Variants in CNTN6 observed in about 807,000 individuals in gnomAD.
CNTN6 encodes contactin 6.
In CNTN6, 137 loss-of-function variants were observed where a neutral mutation model predicts 122.8. The ratio of observed to expected loss-of-function variants is 1.12; its 90% CI spans 0.97 to 1.29. CNTN6 has a LOEUF of 1.29. Ranked by LOEUF, CNTN6 falls within the 50% of genes most tolerant of loss-of-function variation. The probability of loss-of-function intolerance (pLI) is 0.00; values close to 1 mark genes in which losing one functional copy is unlikely to be tolerated. For missense variants in CNTN6, 1,634 were observed against 1,223.4 expected, an observed-to-expected ratio of 1.34 and a Z score of -5.01; for synonymous variants, 570 against 426.0, an observed-to-expected ratio of 1.34 and a Z score of -4.16.
At chr3:1,383,251 A>C (rs751758199) in intron 18 of CNTN6, 42 bp from the exon 19 acceptor site, 1 of 1,600,660 alleles carries the variant, frequency 6.2e-7, no homozygotes, top group South Asian at 1.1e-5. Flanking sequence ...TTTTCAATGA[A>C]CCACTCTGCT....
At chr3:1,369,119 A>G (rs555721431) in intron 12 of CNTN6, among the ~76,000 whole-genome samples, 1 of 152,190 alleles carries the variant, frequency 6.6e-6, no homozygotes, top group Non-Finnish European at 1.5e-5. Flanking sequence ...TTGCCTGCGC[A>G]GGAAATCTAG....
At chr3:1,283,547 C>G (rs1693828244) in intron 5 of CNTN6, among the ~76,000 whole-genome samples, 1 of 152,130 alleles carries the variant, frequency 6.6e-6, no homozygotes, top group Admixed American at 6.5e-5. Flanking sequence ...CTTCCATGGA[C>G]CCAGTGAGTT....
intron 20 of CNTN6, among the ~76,000 whole-genome samples, chr3:1,393,714 G>C (rs1694583762): frequency 6.6e-6 from 1 of 150,486 alleles, no homozygotes; most frequent in Non-Finnish European, 1.5e-5. Flanking sequence ...ATTGAGCCAA[G>C]ACTCAGGTCA....
intron 4 of CNTN6, among the ~76,000 whole-genome samples, chr3:1,246,177 C>G (rs568209259): frequency 6.6e-6 from 1 of 152,078 alleles, no homozygotes; most frequent in Non-Finnish European, 1.5e-5. Context: ...CCAGAAGGTC[C>G]GCCCATTATA....
chr3:1,235,877 G>T lies in CNTN6; in HGVS notation c.358+7884G>T, dbSNP rs571332641. Among the ~76,000 whole-genome samples the T allele has an allele frequency of 3.9e-5, 6 of 152,266 alleles. No individual in the cohort carries two copies. In the South Asian group the frequency reaches 1.2e-3, roughly 32 times the overall value. On this transcript the variant is annotated intron_variant, in intron 4 of 22. Coordinates refer to ENST00000446702, the MANE Select transcript of CNTN6 (RefSeq NM_001289080.2). The stretch of plus-strand genomic sequence containing the variant: ...GTGCTGCTGGGGGCGGGTGGGGCAT[G>T]GTGGGAGTGAGACTGGCCTTTAGGA...
intron 7 of CNTN6, among the ~76,000 whole-genome samples, chr3:1,303,365 A>G (rs1483872831): frequency 6.6e-6 from 1 of 152,138 alleles, no homozygotes; most frequent in Non-Finnish European, 1.5e-5. Context: ...ATTATATCAG[A>G]TTAAAGGAAC....
intron 1 of CNTN6, among the ~76,000 whole-genome samples, chr3:1,142,230 A>G (rs1032668): frequency 0.45 from 68,420 of 150,414 alleles, 16,039 homozygotes; most frequent in South Asian, 0.61. Context: ...AAAAAAAAAC[A>G]TGATTATTCT....
chr3:1,329,962 ATT>A, intron 11 of CNTN6, 27 bp downstream of exon 11: 1 of 1,491,358 alleles, frequency 6.7e-7, no homozygotes, highest in South Asian at 1.4e-5. Context: ...TTTTAAAAAT[ATT>A]TTTGTTTGTA....
intron 4 of CNTN6, among the ~76,000 whole-genome samples, chr3:1,250,401 C>G (rs1397936834): frequency 1.3e-5 from 2 of 152,184 alleles, no homozygotes; most frequent in South Asian, 2.1e-4. Context: ...ATGTCAGAGT[C>G]TGTGATGCAC....
intron 12 of CNTN6, among the ~76,000 whole-genome samples, chr3:1,360,579 T>A (rs1707309364): frequency 1.3e-5 from 2 of 152,008 alleles, no homozygotes; most frequent in African/African-American, 4.8e-5. Flanking sequence ...CTATATATTC[T>A]ATATACATGT....
intron 2 of CNTN6, among the ~76,000 whole-genome samples, chr3:1,156,623 C>A (rs2125216782): frequency 6.6e-6 from 1 of 151,318 alleles, no homozygotes; most frequent in Middle Eastern, 3.4e-3. Context: ...TCTTTTCTTT[C>A]TTTCTTTCTC....
At chr3:1,104,450 T>A (rs1020361537) in intron 1 of CNTN6, among the ~76,000 whole-genome samples, 1 of 152,248 alleles carries the variant, frequency 6.6e-6, no homozygotes, top group African/African-American at 2.4e-5. Context: ...CAGACCCAAC[T>A]CTTTCCCTGA....
chr3:1,276,025 T>C (rs1692289022), intron 4 of CNTN6, among the ~76,000 whole-genome samples: 1 of 152,184 alleles, frequency 6.6e-6, no homozygotes. Flanking sequence ...ATACCAATAA[T>C]TTGTTCCAAT....
chr3:1,128,868 C>G (rs1179813269), intron 1 of CNTN6, among the ~76,000 whole-genome samples: 2 of 151,978 alleles, frequency 1.3e-5, no homozygotes, highest in African/African-American at 2.4e-5. Context: ...TTTAATAGTT[C>G]AAGCTTTCTG....
chr3:1,230,172 T>TTATC (rs2094336391), intron 4 of CNTN6, among the ~76,000 whole-genome samples: 1 of 152,146 alleles, frequency 6.6e-6, no homozygotes, highest in Non-Finnish European at 1.5e-5. Context: ...GAAAAGGCCT[T>TTATC]TGGTAGGATA....
intron 2 of CNTN6, among the ~76,000 whole-genome samples, chr3:1,189,868 T>C (rs1463841723): frequency 2.0e-5 from 3 of 152,094 alleles, no homozygotes; most frequent in South Asian, 2.1e-4. Context: ...GGCAAACAAA[T>C]TGGGGATCAG....
rs376178908 is a variant in CNTN6 at position 1,307,867 on chromosome 3, C to T, written c.761+9876C>T. 3.9e-5 allele frequency among the ~76,000 whole-genome samples: 6 copies of T among 152,254 alleles called. 1 individual carries two copies. The highest frequency in any genetic ancestry group is 1.4e-4 in the African/African-American group (6 of 41,544). ...AATTTTCATTACATATCAAGGTTAA[C>T]TTTATCATAATGATTTATGACAGAT... is the stretch of plus-strand genomic sequence containing the variant. On this transcript the variant is annotated intron_variant, in intron 7 of 22. Transcript: ENST00000446702.
rs1301501287 is a variant in CNTN6 at position 1,385,645 on chromosome 3, T to C, written c.2552T>C (p.Met851Thr). The part of the protein sequence containing the change: ...LYWTDDSKES[M>T]IGKIRVSGNV... The stretch of plus-strand genomic sequence containing the variant: ...TGGACAGATGACTCCAAAGAATCCA[T>C]GATAGGTAAAATTAGAGTCAGTGGA... The change falls in exon 20 of 23, where the codon ATG becomes ACG. Residue 851 changes from methionine (M) to threonine (T), a missense_variant. By Grantham distance (81) the Met-to-Thr change is moderately conservative (BLOSUM62 -1). Transcript: ENST00000446702. 2 of 1,614,036 alleles carry C rather than the reference T, an allele frequency of 1.2e-6. No individual in the cohort carries two copies. The highest frequency in any genetic ancestry group is 1.7e-6 in the Non-Finnish European group (2 of 1,179,908).
intron 20 of CNTN6, among the ~76,000 whole-genome samples, chr3:1,392,269 G>C (rs1375742459): frequency 6.6e-6 from 1 of 152,204 alleles, no homozygotes; most frequent in African/African-American, 2.4e-5. Context: ...ACAGCTATCT[G>C]ATCTTTGACA....
Sources: allele counts gnomAD v4.1 joint callset (sites outside exome capture counted in the v4.1 genomes callset), GRCh38; gene constraint gnomAD v4.1.1; transcripts MANE v1.5; gene names NCBI Gene and HGNC (gene_info 2026-07-23, HGNC 2026-07-21).